Variants in ATRNL1 observed in about 807,000 individuals in gnomAD.
ATRNL1 encodes attractin like 1.
A neutral mutation model predicts 182.7 loss-of-function variants in ATRNL1; 95 were observed. That is an observed-to-expected ratio of 0.52 (90% CI 0.44 to 0.62). ATRNL1 has a LOEUF of 0.62. Ranked by LOEUF, ATRNL1 falls within the 20% of genes least tolerant of loss-of-function variation. The pLI is 0.00. For synonymous variants in ATRNL1, 576 were observed against 568.3 expected (o/e 1.01, Z -0.19); for missense variants, 1,471 against 1,679.5 (o/e 0.88, Z 2.17).
At chr10:115,481,122 G>A (rs1216900878) in intron 24 of ATRNL1, among the ~76,000 whole-genome samples, 1 of 150,398 alleles carries the variant, frequency 6.6e-6, no homozygotes, top group African/African-American at 2.4e-5. Flanking sequence ...GATATTTTTA[G>A]ATGGTTGCCC....
intron 26 of ATRNL1, among the ~76,000 whole-genome samples, chr10:115,558,646 G>A (rs1038628331): frequency 1.1e-4 from 16 of 152,052 alleles, no homozygotes; most frequent in Admixed American, 3.9e-4. Flanking sequence ...AAACCTAGGC[G>A]TTTTCCTTTT....
chr10:115,289,990 A>G (rs1554920317), intron 15 of ATRNL1, among the ~76,000 whole-genome samples: 1 of 151,674 alleles, frequency 6.6e-6, no homozygotes, highest in Non-Finnish European at 1.5e-5. Flanking sequence ...TGTTTTAACA[A>G]TATTAAGTCT....
intron 26 of ATRNL1, among the ~76,000 whole-genome samples, chr10:115,609,055 AATATT>A (rs1331782971): frequency 1.3e-5 from 2 of 152,074 alleles, no homozygotes; most frequent in African/African-American, 4.8e-5. Context: ...CTTTAAATAA[AATATT>A]ATAAGTTAAG....
At chr10:115,566,205 G>A (rs1854068697) in intron 26 of ATRNL1, among the ~76,000 whole-genome samples, 2 of 152,008 alleles carry the variant, frequency 1.3e-5, no homozygotes, top group African/African-American at 4.8e-5. Flanking sequence ...AAATTGTTGG[G>A]ATTACAGGTG....
At position 115,165,663 on chromosome 10, in the gene ATRNL1, T is replaced by A; in HGVS notation, c.1092+18T>A. 7.0e-7 allele frequency: 1 copy of A among 1,420,816 alleles called. No homozygotes were observed. Among genetic ancestry groups the A allele is most frequent in the Non-Finnish European group, 9.5e-7 (1 of 1,055,694 alleles). The allele number at this position is 1,420,816 out of a possible 1,614,324, so 88.0% of individuals were successfully genotyped here. A position where few individuals can be genotyped will look rare whatever the true frequency, so the allele number is the denominator to read the frequency against. ...TATATCAGGTATGGCTCCTGCTTTT[T>A]AAATTTTAATCAGATTTTGTTTTTG... On this transcript the variant is annotated intron_variant, in intron 7 of 28. Transcript: ENST00000355044.
chr10:115,702,692 A>G (rs1471607973), intron 26 of ATRNL1, among the ~76,000 whole-genome samples: 3 of 151,980 alleles, frequency 2.0e-5, no homozygotes. Context: ...CATTTACAAT[A>G]GTCACACAAA....
chr10:115,508,402 C>T (rs1309732842), intron 24 of ATRNL1, among the ~76,000 whole-genome samples: 1 of 152,022 alleles, frequency 6.6e-6, no homozygotes, highest in Non-Finnish European at 1.5e-5. Flanking sequence ...CATGTCTTGT[C>T]ACTTTAAATC....
intron 19 of ATRNL1, among the ~76,000 whole-genome samples, chr10:115,368,422 A>C (rs961157872): frequency 6.6e-6 from 1 of 152,106 alleles, no homozygotes; most frequent in East Asian, 1.9e-4. Flanking sequence ...CACCCACTGT[A>C]TGGCACTCCC....
At chr10:115,495,366 GT>G (rs1445593358) in intron 24 of ATRNL1, among the ~76,000 whole-genome samples, 3 of 151,906 alleles carry the variant, frequency 2.0e-5, no homozygotes, top group Admixed American at 6.6e-5. Flanking sequence ...CTAGCTTTGG[GT>G]TTTGTATGCC....
At chr10:115,843,556 A>G (rs546865125) in intron 27 of ATRNL1, among the ~76,000 whole-genome samples, 2 of 152,178 alleles carry the variant, frequency 1.3e-5, no homozygotes, top group East Asian at 1.9e-4. Flanking sequence ...TGCCTTAGAC[A>G]GTAGGAAGAT....
intron 26 of ATRNL1, among the ~76,000 whole-genome samples, chr10:115,717,228 G>C (rs2134033121): frequency 6.6e-6 from 1 of 152,260 alleles, no homozygotes; most frequent in East Asian, 1.9e-4. Context: ...TTTACTTGAG[G>C]ATGGTAAAGC....
At chr10:115,301,189 GC>G (rs1419526737) in intron 16 of ATRNL1, among the ~76,000 whole-genome samples, 2 of 152,212 alleles carry the variant, frequency 1.3e-5, no homozygotes, top group African/African-American at 4.8e-5. Context: ...TGTGAGTAAT[GC>G]TGCTATGAAT....
At chr10:115,764,860 G>A (rs1214067354) in intron 27 of ATRNL1, among the ~76,000 whole-genome samples, 1 of 152,090 alleles carries the variant, frequency 6.6e-6, no homozygotes, top group African/African-American at 2.4e-5. Flanking sequence ...TTTTAGTAGA[G>A]ACGGGGTTTC....
At chr10:115,345,122 C>G (rs1554939365) in intron 19 of ATRNL1, among the ~76,000 whole-genome samples, 1 of 152,232 alleles carries the variant, frequency 6.6e-6, no homozygotes, top group African/African-American at 2.4e-5. Flanking sequence ...CCCAGCAGGT[C>G]CTGTGCCCTC....
chr10:115,169,099 G>A (rs1473901665), intron 7 of ATRNL1, among the ~76,000 whole-genome samples: 1 of 149,244 alleles, frequency 6.7e-6, no homozygotes, highest in East Asian at 2.0e-4. Flanking sequence ...TCTTTGAATG[G>A]TCTTGGTACT....
At chr10:115,494,427 A>G (rs1251829349) in intron 24 of ATRNL1, among the ~76,000 whole-genome samples, 1 of 152,150 alleles carries the variant, frequency 6.6e-6, no homozygotes, top group Non-Finnish European at 1.5e-5. Flanking sequence ...CTCCAGGGGA[A>G]TGCTGCTATT....
chr10:115,404,372 C>T (rs1357608930), intron 20 of ATRNL1, among the ~76,000 whole-genome samples: 20 of 152,206 alleles, frequency 1.3e-4, no homozygotes, highest in African/African-American at 3.9e-4. Context: ...CCCACCACTT[C>T]TAGGCCTGGC....
chr10:115,666,319 GT>G (rs1287045178), intron 26 of ATRNL1, among the ~76,000 whole-genome samples: 1 of 152,082 alleles, frequency 6.6e-6, no homozygotes, highest in Non-Finnish European at 1.5e-5. Flanking sequence ...TGTGTATCAT[GT>G]TTTGACTAGT....
At chr10:115,472,377 GAAA>G (rs1848348759) in intron 24 of ATRNL1, among the ~76,000 whole-genome samples, 1 of 150,750 alleles carries the variant, frequency 6.6e-6, no homozygotes, top group Admixed American at 6.7e-5. Flanking sequence ...CTATATCTGT[GAAA>G]AATGTAATTG....
Sources: gnomAD v4.1 joint callset for allele counts (sites outside exome capture counted in the v4.1 genomes callset) on GRCh38, gnomAD v4.1.1 for gene constraint, MANE v1.5 for transcripts, NCBI Gene and HGNC (gene_info 2026-07-23, HGNC 2026-07-21) for gene names.